CD36: variants seen among roughly 807,000 people sequenced by gnomAD.
CD36 encodes the protein platelet glycoprotein 4.
Under a neutral mutation model 55.2 loss-of-function variants are expected in CD36, and 119 were observed. The observed-to-expected ratio is 2.15, with a 90% CI of 1.86 to 2.51. The LOEUF (loss-of-function observed/expected upper bound fraction) is 2.51. CD36 is among the 30% of genes most tolerant of loss of function. The probability of loss-of-function intolerance (pLI) is 0.00; values close to 1 mark genes in which losing one functional copy is unlikely to be tolerated. For missense variants in CD36, 819 were observed against 555.5 expected, an observed-to-expected ratio of 1.47 and a Z score of -4.77; for synonymous variants, 186 against 193.6, an observed-to-expected ratio of 0.96 and a Z score of 0.33.
intron 1 of CD36, among the ~76,000 whole-genome samples, chr7:80,629,395 G>A (rs764341208): frequency 6.6e-6 from 1 of 151,942 alleles, no homozygotes; most frequent in Non-Finnish European, 1.5e-5. Context: ...CATGAGTTCT[G>A]GGCAAATGTA....
At chr7:80,616,697 G>A (rs1430140727) in intron 1 of CD36, among the ~76,000 whole-genome samples, 3 of 152,078 alleles carry the variant, frequency 2.0e-5, no homozygotes, top group Admixed American at 6.6e-5. Flanking sequence ...ATATAATAAG[G>A]AGTCAACAGA....
Position 80,677,029 on chromosome 7 carries a change from TTCC to T in CD36, c.*649_*651del, listed in dbSNP as rs907453805. On this transcript the variant is annotated 3_prime_UTR_variant, in exon 15 of 15. Coordinates refer to ENST00000447544, the MANE Select transcript of CD36 (RefSeq NM_001001548.3). ...CCTTAAATTCCTGTGCTTTTTCTAG[TTCC>T]TCTTGTGTCATAAAATGTTTATCCT... 5 of 152,224 alleles carry T rather than the reference TTCC, an allele frequency of 3.3e-5. No homozygotes were observed. The highest frequency in any genetic ancestry group is 5.9e-5 in the Non-Finnish European group (4 of 68,034). The allele number at this position is 152,224 out of a possible 1,614,324, so 9.4% of individuals were successfully genotyped here.
intron 6 of CD36, among the ~76,000 whole-genome samples, chr7:80,664,002 A>G (rs1017402583): frequency 6.6e-6 from 1 of 151,996 alleles, no homozygotes; most frequent in African/African-American, 2.4e-5. Context: ...TCTAATTTTT[A>G]TCATTTTAGT....
At chr7:80,659,967 C>T (rs1796396476) in intron 4 of CD36, among the ~76,000 whole-genome samples, 1 of 152,010 alleles carries the variant, frequency 6.6e-6, no homozygotes. Flanking sequence ...ACTGAGAACT[C>T]ATTATATACC....
chr7:80,619,471 A>T (rs1415554082), intron 1 of CD36, among the ~76,000 whole-genome samples: 1 of 151,452 alleles, frequency 6.6e-6, no homozygotes, highest in Admixed American at 6.6e-5. Flanking sequence ...ACATTGCAAA[A>T]CTCTGTCTCT....
At chr7:80,615,170 C>T (rs1005599102) in intron 1 of CD36, among the ~76,000 whole-genome samples, 3 of 152,170 alleles carry the variant, frequency 2.0e-5, no homozygotes, top group Non-Finnish European at 4.4e-5. Context: ...TAGTTCAGGG[C>T]CTTGTGTCTT....
At chr7:80,659,236 A>G (rs1332863006) in intron 4 of CD36, among the ~76,000 whole-genome samples, 5 of 152,164 alleles carry the variant, frequency 3.3e-5, no homozygotes, top group East Asian at 1.9e-4. Context: ...CCCTAAATCC[A>G]TCTGACATTG....
At chr7:80,650,356 G>C (rs948181466) in intron 3 of CD36, among the ~76,000 whole-genome samples, 2 of 152,114 alleles carry the variant, frequency 1.3e-5, no homozygotes, top group African/African-American at 4.8e-5. Flanking sequence ...TGAATAGACT[G>C]TTTCTTTTTT....
At chr7:80,658,344 C>A (rs565948439) in intron 4 of CD36, among the ~76,000 whole-genome samples, 1 of 151,876 alleles carries the variant, frequency 6.6e-6, no homozygotes, top group African/African-American at 2.4e-5. Context: ...TCACATATGA[C>A]CTAAGGAGAG....
intron 1 of CD36, among the ~76,000 whole-genome samples, chr7:80,645,341 TCA>T (rs1266210878): frequency 1.3e-5 from 2 of 150,730 alleles, no homozygotes; most frequent in African/African-American, 4.9e-5. Context: ...TATATAATAA[TCA>T]CATACTATGG....
chr7:80,656,620 C>A lies in CD36; in HGVS notation c.201C>A (p.Ile67=). The A allele has an allele frequency of 1.9e-6, 3 of 1,613,712 alleles. No individual in the cohort carries two copies. Among genetic ancestry groups the A allele is most frequent in the Non-Finnish European group, 2.5e-6 (3 of 1,179,750 alleles). The change falls in exon 4 of 15, where the codon ATC becomes ATA. Residue 67 remains isoleucine, a synonymous_variant. Coordinates refer to ENST00000447544, the MANE Select transcript of CD36 (RefSeq NM_001001548.3). ...CAGAAGTTTACAGACAGTTTTGGATCTTTGATGTGCAAAATCCACAGGAAG... is the reference window on the plus strand; with the variant it reads ...CAGAAGTTTACAGACAGTTTTGGATATTTGATGTGCAAAATCCACAGGAAG... ...TGTEVYRQFW[I]FDVQNPQEVM...
chr7:80,674,035 G>C lies in CD36; in HGVS notation c.1307G>C (p.Gly436Ala), dbSNP rs199889102. The C allele has an allele frequency of 6.2e-7, 1 of 1,612,340 alleles. No individual in the cohort carries two copies. Residue 436 changes from glycine (G) to alanine (A), a missense_variant, in exon 14 of 15, where the codon GGA (glycine) becomes GCA (alanine). Transcript: ENST00000447544. ...KANMFRSQVT[G>A]KINLLGLIEM... ...AACATGTTCAGAAGTCAAGTAACTG[G>C]AAAAATAAACCTCCTTGGCCTGATA...
At chr7:80,650,309 T>C (rs1408257200) in intron 3 of CD36, among the ~76,000 whole-genome samples, 1 of 152,166 alleles carries the variant, frequency 6.6e-6, no homozygotes, top group East Asian at 1.9e-4. Context: ...ATGTTGACCT[T>C]GTTAATTTAG....
upstream of CD36, among the ~76,000 whole-genome samples, chr7:80,636,489 T>A (rs1482999401): frequency 2.1e-5 from 3 of 145,448 alleles, no homozygotes; most frequent in Admixed American, 2.1e-4. Context: ...CCTGAGGATT[T>A]AAACTTACAT....
At chr7:80,639,232 C>CAAT (rs1794649468) in intron 1 of CD36, among the ~76,000 whole-genome samples, 1 of 151,850 alleles carries the variant, frequency 6.6e-6, no homozygotes, top group Admixed American at 6.6e-5. Context: ...ATCTGAATTG[C>CAAT]ACAACTTTTG....
At chr7:80,655,065 A>T (rs1424287975) in intron 3 of CD36, among the ~76,000 whole-genome samples, 1 of 152,098 alleles carries the variant, frequency 6.6e-6, no homozygotes, top group Non-Finnish European at 1.5e-5. Flanking sequence ...GTCCTTTCCT[A>T]ATCTGTCATT....
intron 2 of CD36, 135 bp from the exon 3 acceptor site, chr7:80,646,517 T>G: frequency 1.8e-6 from 1 of 549,642 alleles, no homozygotes; most frequent in Non-Finnish European, 3.2e-6. Context: ...GAAGCCACTT[T>G]GGTGAAACAA....
intron 3 of CD36, among the ~76,000 whole-genome samples, chr7:80,647,765 T>G (rs1795282258): frequency 6.6e-6 from 1 of 152,170 alleles, no homozygotes; most frequent in Non-Finnish European, 1.5e-5. Flanking sequence ...TGAACTAGAC[T>G]GTGTGTTTAC....
intron 3 of CD36, among the ~76,000 whole-genome samples, chr7:80,648,878 T>C (rs1363135809): frequency 6.6e-6 from 1 of 152,000 alleles, no homozygotes; most frequent in East Asian, 1.9e-4. Context: ...CCTGTGAAAA[T>C]GCTACCAAAT....
Sources: gnomAD v4.1 joint callset for allele counts (sites outside exome capture counted in the v4.1 genomes callset) on GRCh38, gnomAD v4.1.1 for gene constraint, MANE v1.5 for transcripts, NCBI Gene and HGNC (gene_info 2026-07-23, HGNC 2026-07-21) for gene names.